The following GRAMD2B variants were observed in gnomAD, a reference collection of about 807,000 sequenced individuals.
GRAMD2B encodes the protein GRAM domain containing 2B, also known as GRAM domain-containing protein 2B.
GRAMD2B carries 41 observed loss-of-function variants against 59.2 expected under a neutral mutation model. The ratio of observed to expected loss-of-function variants is 0.69; its 90% confidence interval spans 0.54 to 0.90. The LOEUF is 0.90. Ranked by LOEUF, GRAMD2B falls within the 40% of genes least tolerant of loss-of-function variation. The pLI, the probability that GRAMD2B is intolerant of heterozygous loss-of-function variation, is 0.00. For missense variants in GRAMD2B, 424 were observed against 500.5 expected (o/e 0.85, Z 1.46); for synonymous variants, 161 against 182.7 (o/e 0.88, Z 0.96).
At chr5:126,378,900 T>A (rs1036065260) in intron 1 of GRAMD2B, among the ~76,000 whole-genome samples, 1 of 152,186 alleles carries the variant, frequency 6.6e-6, no homozygotes, top group Non-Finnish European at 1.5e-5. Flanking sequence ...TTCTGAAATA[T>A]TTGACTCACT....
intron 10 of GRAMD2B, among the ~76,000 whole-genome samples, chr5:126,484,984 A>G (rs1470827437): frequency 6.6e-6 from 1 of 152,092 alleles, no homozygotes; most frequent in Non-Finnish European, 1.5e-5. Flanking sequence ...CTTTTAGCAA[A>G]CAGTACCCAG....
At chr5:126,363,033 G>A (rs1158465397) in intron 1 of GRAMD2B, among the ~76,000 whole-genome samples, 2 of 152,148 alleles carry the variant, frequency 1.3e-5, no homozygotes, top group Non-Finnish European at 2.9e-5. Context: ...AAAGTGCAGA[G>A]ACATCCTATG....
At chr5:126,417,398 A>G (rs1326643743) in intron 1 of GRAMD2B, among the ~76,000 whole-genome samples, 1 of 152,238 alleles carries the variant, frequency 6.6e-6, no homozygotes, top group African/African-American at 2.4e-5. Flanking sequence ...CACGTGGAGC[A>G]CTGCACAGAC....
intron 3 of GRAMD2B, among the ~76,000 whole-genome samples, chr5:126,470,029 C>G (rs1489166634): frequency 2.6e-5 from 4 of 152,334 alleles, no homozygotes; most frequent in Non-Finnish European, 5.9e-5. Context: ...TGGCCTCGAA[C>G]TCTGACAGAT....
At chr5:126,406,784 G>C (rs774326144) in intron 1 of GRAMD2B, among the ~76,000 whole-genome samples, 1 of 151,984 alleles carries the variant, frequency 6.6e-6, no homozygotes, top group Non-Finnish European at 1.5e-5. Context: ...GGAAGAGTCA[G>C]ATTCCTGATG....
chr5:126,395,554 T>G (rs1219655584), intron 1 of GRAMD2B, among the ~76,000 whole-genome samples: 16 of 152,212 alleles, frequency 1.1e-4, no homozygotes. Context: ...GGAAATGAAC[T>G]TGCATTCACA....
chr5:126,430,691 AAAAAAG>A (rs1761417529), intron 1 of GRAMD2B, among the ~76,000 whole-genome samples: 1 of 152,212 alleles, frequency 6.6e-6, no homozygotes, highest in Non-Finnish European at 1.5e-5. Flanking sequence ...TTTCACAAGA[AAAAAAG>A]AAAAAGAAAA....
chr5:126,471,464 G>A lies in GRAMD2B; in HGVS notation c.316-774G>A, dbSNP rs1386745489. 1.2e-4 allele frequency among the ~76,000 whole-genome samples: 18 copies of A among 152,200 alleles called. 1 individual carries two copies. The highest frequency in any genetic ancestry group is 1.2e-3 in the Admixed American group (18 of 15,270). ...GCTATCCATTGTTATTGTCACAGTT[G>A]TGAAAACAGATCCCTTGAGGATGAA... On this transcript the variant is annotated intron_variant, in intron 3 of 13. Coordinates refer to ENST00000285689, the MANE Select transcript of GRAMD2B (RefSeq NM_023927.4).
intron 1 of GRAMD2B, among the ~76,000 whole-genome samples, chr5:126,410,063 C>T (rs1398913078): frequency 6.6e-6 from 1 of 151,734 alleles, no homozygotes; most frequent in Admixed American, 6.6e-5. Context: ...TGTTTTGGTA[C>T]CAGTACCATG....
chr5:126,457,704 T>A (rs1239428794), intron 1 of GRAMD2B, among the ~76,000 whole-genome samples: 2 of 152,020 alleles, frequency 1.3e-5, no homozygotes, highest in Non-Finnish European at 2.9e-5. Flanking sequence ...GAGAGTCACT[T>A]GGCTAACTGG....
At chr5:126,361,084 T>C (rs1476492361) in intron 1 of GRAMD2B, among the ~76,000 whole-genome samples, 1 of 152,232 alleles carries the variant, frequency 6.6e-6, no homozygotes, top group African/African-American at 2.4e-5. Context: ...GTAACAAGTA[T>C]ATGTAGAGAT....
chr5:126,380,342 T>C (rs1477561361), intron 1 of GRAMD2B, among the ~76,000 whole-genome samples: 1 of 152,234 alleles, frequency 6.6e-6, no homozygotes, highest in East Asian at 1.9e-4. Flanking sequence ...GGTAATGTGA[T>C]GCCTCCATAA....
chr5:126,383,310 A>G (rs1177573654), intron 1 of GRAMD2B, among the ~76,000 whole-genome samples: 4 of 152,230 alleles, frequency 2.6e-5, no homozygotes, highest in African/African-American at 9.6e-5. Context: ...TAAAAACAAA[A>G]CCAGGCAAAT....
At chr5:126,449,692 AT>A (rs920341353) in intron 1 of GRAMD2B, among the ~76,000 whole-genome samples, 3 of 152,074 alleles carry the variant, frequency 2.0e-5, no homozygotes, top group African/African-American at 4.8e-5. Flanking sequence ...AGTCCCATTA[AT>A]TTTTTTTAGA....
At chr5:126,462,379 A>G (rs766621033) in intron 1 of GRAMD2B, 1 of 984,478 alleles carries the variant, frequency 1.0e-6, no homozygotes, top group Non-Finnish European at 1.2e-6. Context: ...TCACTCAAAC[A>G]CACGCTAGCC....
chr5:126,467,912 G>C (rs1315439604), intron 2 of GRAMD2B, among the ~76,000 whole-genome samples: 1 of 152,178 alleles, frequency 6.6e-6, no homozygotes, highest in African/African-American at 2.4e-5. Flanking sequence ...TTTCACAGCT[G>C]AGAAAACCAG....
chr5:126,443,245 C>T (rs1434644536), intron 1 of GRAMD2B, among the ~76,000 whole-genome samples: 2 of 152,136 alleles, frequency 1.3e-5, no homozygotes, highest in African/African-American at 2.4e-5. Flanking sequence ...TTTACAAGTC[C>T]CATGCCTAAA....
chr5:126,393,975 A>T (rs1757085739), intron 1 of GRAMD2B, among the ~76,000 whole-genome samples: 1 of 152,072 alleles, frequency 6.6e-6, no homozygotes, highest in African/African-American at 2.4e-5. Flanking sequence ...GTCAATTGTT[A>T]AAAAACTAGG....
intron 1 of GRAMD2B, among the ~76,000 whole-genome samples, chr5:126,393,626 T>C (rs1561474452): frequency 6.6e-6 from 1 of 152,042 alleles, no homozygotes; most frequent in Non-Finnish European, 1.5e-5. Context: ...TCCAAATAAG[T>C]CAACCTGGAA....
Sources: allele counts gnomAD v4.1 joint callset (sites outside exome capture counted in the v4.1 genomes callset), GRCh38; gene constraint gnomAD v4.1.1; transcripts MANE v1.5; gene names NCBI Gene and HGNC (gene_info 2026-07-23, HGNC 2026-07-21).